The following SND1 variants were observed in gnomAD, a reference collection of about 807,000 sequenced individuals.
SND1 encodes the protein staphylococcal nuclease domain-containing protein 1.
Under a neutral mutation model 121.7 loss-of-function variants are expected in SND1, and 38 were observed. The observed-to-expected ratio is 0.31, with a 90% CI of 0.24 to 0.41. The LOEUF (loss-of-function observed/expected upper bound fraction) is 0.41, where lower values mean the gene tolerates loss of function less well. SND1 is among the 10% of genes least tolerant of loss of function. The pLI is 1.00. For synonymous variants in SND1, 401 were observed against 447.4 expected, an observed-to-expected ratio of 0.90 and a Z score of 1.31; for missense variants, 868 against 1,184.6, an observed-to-expected ratio of 0.73 and a Z score of 3.92.
intron 16 of SND1, among the ~76,000 whole-genome samples, chr7:128,061,068 T>G (rs1247360251): frequency 6.6e-6 from 1 of 152,188 alleles, no homozygotes; most frequent in Non-Finnish European, 1.5e-5. Flanking sequence ...AGACAGCTAC[T>G]TCATGCCTGA....
At chr7:127,772,332 G>A (rs182714178) in intron 10 of SND1, among the ~76,000 whole-genome samples, 11 of 152,182 alleles carry the variant, frequency 7.2e-5, no homozygotes, top group East Asian at 3.9e-4. Flanking sequence ...TCCGTAATTC[G>A]GTAAGAATAT....
At chr7:127,693,370 T>C (rs1795954476) in intron 2 of SND1, among the ~76,000 whole-genome samples, 1 of 152,214 alleles carries the variant, frequency 6.6e-6, no homozygotes, top group Non-Finnish European at 1.5e-5. Context: ...GGGCATGATG[T>C]GAGCAAGTAT....
chr7:128,088,444 C>A (rs1469933789), intron 21 of SND1, among the ~76,000 whole-genome samples: 2 of 136,434 alleles, frequency 1.5e-5, no homozygotes, highest in African/African-American at 5.5e-5. Context: ...GTCCCTATCT[C>A]TCTTTTTTTT....
At chr7:127,794,555 A>T (rs1413280398) in intron 10 of SND1, among the ~76,000 whole-genome samples, 1 of 152,240 alleles carries the variant, frequency 6.6e-6, no homozygotes, top group Non-Finnish European at 1.5e-5. Context: ...TAACAAAATG[A>T]TATTATCCTC....
intron 4 of SND1, among the ~76,000 whole-genome samples, chr7:127,700,141 T>TA (rs1440748470): frequency 2.6e-5 from 4 of 152,164 alleles, no homozygotes; most frequent in Non-Finnish European, 5.9e-5. Context: ...GAATGAATAA[T>TA]AAAAAAATCT....
chr7:127,878,674 T>G (rs1434435545), intron 12 of SND1, among the ~76,000 whole-genome samples: 1 of 152,184 alleles, frequency 6.6e-6, no homozygotes, highest in African/African-American at 2.4e-5. Flanking sequence ...GGTGGTTTTC[T>G]TGGTGGCAGG....
chr7:127,880,666 G>T (rs1799773538), intron 12 of SND1, among the ~76,000 whole-genome samples: 1 of 152,062 alleles, frequency 6.6e-6, no homozygotes, highest in South Asian at 2.1e-4. Context: ...AAAGATCTAA[G>T]AAACAGAGCC....
chr7:127,989,205 T>C (rs898454114), intron 15 of SND1, among the ~76,000 whole-genome samples: 7 of 152,224 alleles, frequency 4.6e-5, no homozygotes, highest in African/African-American at 1.7e-4. Flanking sequence ...TGATCTTCTT[T>C]GCCATGTGAC....
At chr7:127,657,389 T>C (rs1175517910) in intron 1 of SND1, among the ~76,000 whole-genome samples, 1 of 152,220 alleles carries the variant, frequency 6.6e-6, no homozygotes, top group Non-Finnish European at 1.5e-5. Flanking sequence ...GCATTTGTGC[T>C]GAGATCTGAT....
intron 14 of SND1, among the ~76,000 whole-genome samples, chr7:127,914,240 A>G (rs1800520032): frequency 6.6e-6 from 1 of 152,182 alleles, no homozygotes; most frequent in African/African-American, 2.4e-5. Flanking sequence ...TCTTTAGATC[A>G]TATTCATCTC....
At chr7:127,693,640 CT>C (rs1272543840) in intron 2 of SND1, among the ~76,000 whole-genome samples, 1 of 152,152 alleles carries the variant, frequency 6.6e-6, no homozygotes, top group Non-Finnish European at 1.5e-5. Context: ...TCAGTTTACT[CT>C]TTTGCCTTTA....
intron 10 of SND1, among the ~76,000 whole-genome samples, chr7:127,755,738 C>T (rs568222501): frequency 2.8e-4 from 42 of 152,268 alleles, no homozygotes; most frequent in African/African-American, 5.8e-4. Flanking sequence ...GGTTTCAGAC[C>T]GGCTCCCTGT....
At chr7:127,863,684 G>T (rs1799418962) in intron 12 of SND1, among the ~76,000 whole-genome samples, 1 of 152,138 alleles carries the variant, frequency 6.6e-6, no homozygotes, top group Non-Finnish European at 1.5e-5. Flanking sequence ...ACCTGTTAAA[G>T]CTCACCTTGA....
chr7:127,933,857 T>G (rs1801001601), intron 15 of SND1, among the ~76,000 whole-genome samples: 1 of 152,216 alleles, frequency 6.6e-6, no homozygotes, highest in African/African-American at 2.4e-5. Context: ...TTCTTCTGAC[T>G]AAGCTTGCTG....
chr7:128,092,050 A>G lies in SND1; in HGVS notation c.2725A>G (p.Ser909Gly), dbSNP rs1317062834. The G allele has an allele frequency of 6.2e-7, 1 of 1,614,060 alleles. No individual in the cohort carries two copies. Among genetic ancestry groups the G allele is most frequent in the African/African-American group, 1.3e-5 (1 of 75,056 alleles). Reference sequence around the variant, plus strand: ...TGATGATGCAGACGAATTTGGCTACAGCCGCTAAGGAGGGGATCGGGTTTG... The same window carrying G: ...TGATGATGCAGACGAATTTGGCTACGGCCGCTAAGGAGGGGATCGGGTTTG... ...RADDADEFGY[S>G]R The change falls in exon 24 of 24, where the codon AGC becomes GGC. Residue 909 changes from serine to glycine, a missense_variant. Ser to Gly is a moderately conservative substitution (Grantham distance 56, BLOSUM62 0). Coordinates refer to ENST00000354725, the MANE Select transcript of SND1 (RefSeq NM_014390.4). The surrounding 1 kb of genome is among the most constrained non-coding windows in gnomAD (Gnocchi z 4.9).
At chr7:127,772,494 G>A (rs1334373366) in intron 10 of SND1, among the ~76,000 whole-genome samples, 1 of 152,168 alleles carries the variant, frequency 6.6e-6, no homozygotes, top group African/African-American at 2.4e-5. Flanking sequence ...AATTTTCAGG[G>A]TTGGAAGAAA....
At chr7:127,778,189 A>ATTTG (rs1797654743) in intron 10 of SND1, among the ~76,000 whole-genome samples, 1 of 150,640 alleles carries the variant, frequency 6.6e-6, no homozygotes, top group South Asian at 2.1e-4. Context: ...TTATTTATTT[A>ATTTG]TTTATTTATT....
chr7:127,850,533 A>G (rs1333978034), intron 12 of SND1, among the ~76,000 whole-genome samples: 2 of 152,126 alleles, frequency 1.3e-5, no homozygotes, highest in Non-Finnish European at 2.9e-5. Context: ...CCACAGATTG[A>G]TGACTTACGC....
intron 13 of SND1, among the ~76,000 whole-genome samples, chr7:127,895,898 C>G (rs1032030703): frequency 6.6e-6 from 1 of 152,090 alleles, no homozygotes; most frequent in Non-Finnish European, 1.5e-5. Context: ...CTCCCCACCC[C>G]TAGTTCCTTC....
Sources: allele counts gnomAD v4.1 joint callset (sites outside exome capture counted in the v4.1 genomes callset), GRCh38; gene constraint gnomAD v4.1.1; non-coding constraint Gnocchi (gnomAD v3.1); transcripts MANE v1.5; gene names NCBI Gene and HGNC (gene_info 2026-07-23, HGNC 2026-07-21).